The following TENM4 variants were observed in gnomAD, a reference collection of about 807,000 sequenced individuals.
TENM4 encodes the protein teneurin transmembrane protein 4.
In TENM4, 82 loss-of-function variants were observed where a neutral mutation model predicts 243.3. The ratio of observed to expected loss-of-function variants is 0.34; its 90% CI spans 0.28 to 0.40. The LOEUF (loss-of-function observed/expected upper bound fraction) is 0.40. Ranked by LOEUF, TENM4 falls within the 10% of genes least tolerant of loss-of-function variation. TENM4 has a pLI of 1.00. For missense variants in TENM4, 3,138 were observed against 3,673.3 expected (o/e 0.85, Z 3.77); for synonymous variants, 1,412 against 1,456.3 (o/e 0.97, Z 0.69).
chr11:78,984,360 TC>T (rs1226297870), intron 6 of TENM4, among the ~76,000 whole-genome samples: 2 of 152,200 alleles, frequency 1.3e-5, no homozygotes, highest in African/African-American at 4.8e-5. Context: ...CCTCGAGAGT[TC>T]TTGAAAGGAA....
In TENM4 at chr11:78,952,583, C is replaced by T. The variant is rs564259053; in HGVS notation, c.494-49060G>A. Among the ~76,000 whole-genome samples, 13 of 152,328 alleles carry T rather than the reference C, an allele frequency of 8.5e-5. No homozygotes were observed. In the South Asian group the frequency reaches 2.3e-3, roughly 27 times the overall value. On this transcript the variant is annotated intron_variant, in intron 6 of 33. Coordinates refer to ENST00000278550, the MANE Select transcript of TENM4 (RefSeq NM_001098816.3). ...GAGGAGCAGCATTTTGTAAAACTAG[C>T]AAATAGACAGGGATCATCTCCACTT... is the stretch of plus-strand genomic sequence containing the variant.
chr11:78,879,986 TG>T (rs1368771117), intron 9 of TENM4, among the ~76,000 whole-genome samples: 1 of 151,528 alleles, frequency 6.6e-6, no homozygotes, highest in Non-Finnish European at 1.5e-5. Flanking sequence ...TGGGCCATGA[TG>T]ACGATGGCGG....
intron 3 of TENM4, among the ~76,000 whole-genome samples, chr11:79,202,142 C>A (rs1447351580): frequency 6.6e-6 from 1 of 152,120 alleles, no homozygotes; most frequent in East Asian, 1.9e-4. Flanking sequence ...GGTGTCTTTG[C>A]TGCCTCCTGT....
chr11:79,210,306 C>T (rs1863932622), intron 3 of TENM4, among the ~76,000 whole-genome samples: 3 of 152,178 alleles, frequency 2.0e-5, no homozygotes, highest in South Asian at 2.1e-4. Flanking sequence ...ATCGTCATGT[C>T]TTCCATGAAA....
At chr11:79,203,931 A>C (rs1255647476) in intron 3 of TENM4, among the ~76,000 whole-genome samples, 1 of 152,246 alleles carries the variant, frequency 6.6e-6, no homozygotes, top group Non-Finnish European at 1.5e-5. Flanking sequence ...TACAACCTAG[A>C]TAAACCTTGA....
rs1370618984 is a variant in TENM4, at chr11:78,805,459, C to A, written c.2012G>T (p.Gly671Val). The A allele has an allele frequency of 6.3e-7, 1 of 1,591,492 alleles. No individual in the cohort carries two copies. Among genetic ancestry groups the A allele is most frequent in the Non-Finnish European group, 8.6e-7 (1 of 1,168,676 alleles). Residue 671 changes from glycine to valine, a missense_variant, in exon 15 of 34, where the codon GGT becomes GTT. By Grantham distance (109) the Gly-to-Val change is moderately radical. This residue lies in a region of TENM4 where 2,467 missense variants were observed against 3,059.1 expected (regional missense o/e 0.81). Transcript: ENST00000278550. ...DCMDPTCSGR[G>V]VCVRGECHCS... is the part of the protein sequence containing the mutation. ...GTGGCATTCGCCTCTCACGCAGACA[C>A]CCCGGCCTGAACATGTGGGGTCCAT...
At chr11:78,944,075 C>G (rs1424920995) in intron 6 of TENM4, among the ~76,000 whole-genome samples, 1 of 152,204 alleles carries the variant, frequency 6.6e-6, no homozygotes, top group South Asian at 2.1e-4. Context: ...TGGTTTTCTT[C>G]TTTCCTTAGA....
intron 2 of TENM4, among the ~76,000 whole-genome samples, chr11:79,240,796 ATT>A (rs572907232): frequency 1.3e-5 from 2 of 151,766 alleles, no homozygotes; most frequent in Admixed American, 1.3e-4. Context: ...TTTGCATATA[ATT>A]TTTTTTCTTT....
intron 2 of TENM4, among the ~76,000 whole-genome samples, chr11:79,270,640 T>C (rs931844632): frequency 2.6e-5 from 4 of 152,172 alleles, no homozygotes; most frequent in Non-Finnish European, 5.9e-5. Context: ...CTCTGCTTGC[T>C]GTTCACATTC....
chr11:79,228,266 C>G (rs111423723), intron 2 of TENM4, among the ~76,000 whole-genome samples: 1 of 152,196 alleles, frequency 6.6e-6, no homozygotes, highest in African/African-American at 2.4e-5. Flanking sequence ...ACAGGGGACT[C>G]TGGAATCCCA....
chr11:79,413,527 C>T lies in TENM4; in HGVS notation c.-321+26982G>A, dbSNP rs548721081. ...ACACAAGGTTCCCATGAGACCTTCA[C>T]GGCCAGCCCCTAACAGCTGCCTCAG... On this transcript the variant is annotated intron_variant, in intron 1 of 33. Transcript: ENST00000278550. Among the ~76,000 whole-genome samples the T allele has an allele frequency of 7.2e-5, 11 of 152,348 alleles. No individual in the cohort carries two copies. The East Asian group carries it at 9.6e-4, about 13-fold the overall frequency.
chr11:78,926,336 G>T (rs140244859), intron 6 of TENM4, among the ~76,000 whole-genome samples: 2 of 150,750 alleles, frequency 1.3e-5, no homozygotes, highest in African/African-American at 4.9e-5. Context: ...GAGTGCAGTG[G>T]CATGATCTCG....
chr11:79,279,365 AG>A (rs1316443683), intron 2 of TENM4, among the ~76,000 whole-genome samples: 1 of 152,196 alleles, frequency 6.6e-6, no homozygotes, highest in Non-Finnish European at 1.5e-5. Context: ...GGAGAGAGGC[AG>A]GCAGAAAGGG....
At chr11:79,149,148 G>A (rs900504118) in intron 3 of TENM4, among the ~76,000 whole-genome samples, 1 of 152,130 alleles carries the variant, frequency 6.6e-6, no homozygotes, top group African/African-American at 2.4e-5. Flanking sequence ...CTCTTAGGGA[G>A]AGAGAATCTC....
At chr11:78,722,025 G>A (rs1313699835) in intron 24 of TENM4, among the ~76,000 whole-genome samples, 3 of 152,098 alleles carry the variant, frequency 2.0e-5, no homozygotes, top group African/African-American at 7.2e-5. Flanking sequence ...GAAAGAGGCT[G>A]ACTCAGCTGC....
At chr11:79,302,848 C>T (rs532713437) in intron 1 of TENM4, among the ~76,000 whole-genome samples, 1 of 152,294 alleles carries the variant, frequency 6.6e-6, no homozygotes, top group South Asian at 2.1e-4. Flanking sequence ...CTCAAACTCA[C>T]CACAAAGCAC....
chr11:79,109,706 C>T (rs534797968), intron 4 of TENM4, among the ~76,000 whole-genome samples: 35 of 152,308 alleles, frequency 2.3e-4, no homozygotes, highest in African/African-American at 7.5e-4. Flanking sequence ...GTTCTGAACC[C>T]GCTGCCTTCC....
intron 12 of TENM4, among the ~76,000 whole-genome samples, chr11:78,836,487 A>G (rs1858120010): frequency 6.6e-6 from 1 of 152,164 alleles, no homozygotes. Context: ...ATCAAAAAGG[A>G]AAAAAGAAAA....
chr11:79,184,051 A>G (rs958378927), intron 3 of TENM4, among the ~76,000 whole-genome samples: 1 of 152,234 alleles, frequency 6.6e-6, no homozygotes, highest in African/African-American at 2.4e-5. Context: ...AGATGTTTGT[A>G]CATCTATGTT....
Sources: gnomAD v4.1 joint callset for allele counts (sites outside exome capture counted in the v4.1 genomes callset) on GRCh38, gnomAD v4.1.1 for gene constraint, gnomAD v4.1.1 regional missense constraint, MANE v1.5 for transcripts, NCBI Gene and HGNC (gene_info 2026-07-23, HGNC 2026-07-21) for gene names.